PAK1: variants seen among roughly 807,000 people sequenced by gnomAD.
PAK1 encodes p21 (RAC1) activated kinase 1, also known as serine/threonine-protein kinase PAK 1.
PAK1 carries 29 observed loss-of-function variants against 67.4 expected under a neutral mutation model. That is an observed-to-expected ratio of 0.43 (90% CI 0.32 to 0.59). The LOEUF (loss-of-function observed/expected upper bound fraction) is 0.59, where lower values mean the gene tolerates loss of function less well. PAK1 is among the 20% of genes least tolerant of loss of function. The probability of loss-of-function intolerance (pLI) is 0.07; values close to 1 mark genes in which losing one functional copy is unlikely to be tolerated. For missense variants in PAK1, 337 were observed against 670.7 expected (o/e 0.50, Z 5.50); for synonymous variants, 223 against 237.4 (o/e 0.94, Z 0.56).
intron 1 of PAK1, among the ~76,000 whole-genome samples, chr11:77,447,497 T>C (rs1169202600): frequency 6.6e-6 from 1 of 152,058 alleles, no homozygotes. Flanking sequence ...TGTCCAAAGG[T>C]AGGTGTTGTT....
At chr11:77,363,910 G>A (rs535493048) in intron 5 of PAK1, among the ~76,000 whole-genome samples, 13 of 152,198 alleles carry the variant, frequency 8.5e-5, no homozygotes, top group South Asian at 4.1e-4. Flanking sequence ...CCATCCATCC[G>A]AGCCCCAACT....
In PAK1 at chr11:77,393,911, G is replaced by A. The variant is rs1029396140; in HGVS notation, c.-21-1370C>T. On this transcript the variant is annotated intron_variant, in intron 1 of 14. Transcript: ENST00000356341. ...CCAGCTACTAGGGAGGCTGAGGCAG[G>A]AGAATCACCTGAACATGGGAGGCAA... Among the ~76,000 whole-genome samples the A allele has an allele frequency of 2.6e-5, 4 of 152,124 alleles. No individual in the cohort carries two copies. In the South Asian group the frequency reaches 8.3e-4, roughly 32 times the overall value.
intron 1 of PAK1, among the ~76,000 whole-genome samples, chr11:77,435,118 C>CG (rs1555171418): frequency 7.8e-6 from 1 of 128,666 alleles, no homozygotes; most frequent in Non-Finnish European, 1.6e-5. Context: ...TGTGAATATA[C>CG]AAAAAAAAAA....
intron 14 of PAK1, among the ~76,000 whole-genome samples, chr11:77,327,339 C>A (rs1240919952): frequency 1.3e-5 from 2 of 152,126 alleles, no homozygotes; most frequent in Non-Finnish European, 2.9e-5. Flanking sequence ...TTGTCAGATT[C>A]ACCAAAGTTG....
chr11:77,451,753 C>T (rs1262560334), intron 1 of PAK1, among the ~76,000 whole-genome samples: 1 of 150,770 alleles, frequency 6.6e-6, no homozygotes, highest in Non-Finnish European at 1.5e-5. Context: ...GCGCCACCAC[C>T]ACGCCCGGCT....
chr11:77,368,896 C>A (rs1232599528), intron 5 of PAK1, among the ~76,000 whole-genome samples: 1 of 152,146 alleles, frequency 6.6e-6, no homozygotes, highest in Non-Finnish European at 1.5e-5. Flanking sequence ...TTCTTAATCA[C>A]CATTAACCCC....
At chr11:77,380,064 T>A in intron 2 of PAK1, 70 bp from the exon 3 acceptor site, 3 of 1,161,296 alleles carry the variant, frequency 2.6e-6, no homozygotes, top group Non-Finnish European at 3.8e-6. Flanking sequence ...TTTTAGCTCT[T>A]TATTGAGCTG....
intron 1 of PAK1, among the ~76,000 whole-genome samples, chr11:77,459,097 G>C (rs192868136): frequency 2.3e-4 from 35 of 152,302 alleles, no homozygotes; most frequent in Admixed American, 2.3e-3. Context: ...GAATGAAACT[G>C]AAACTGTCTA....
upstream of PAK1, among the ~76,000 whole-genome samples, chr11:77,477,748 T>C (rs1440485317): frequency 5.3e-5 from 8 of 151,292 alleles, no homozygotes; most frequent in African/African-American, 1.9e-4. Context: ...GAGTGAGACC[T>C]TGTTTCAAAA....
chr11:77,365,453 T>C (rs1210424047), intron 5 of PAK1, among the ~76,000 whole-genome samples: 1 of 149,640 alleles, frequency 6.7e-6, no homozygotes, highest in Non-Finnish European at 1.5e-5. Context: ...TTTAAAGAAA[T>C]AAGGATAAAA....
chr11:77,485,994 G>T, the PAK1 span, among the ~76,000 whole-genome samples: 1 of 152,160 alleles, frequency 6.6e-6, no homozygotes, highest in Non-Finnish European at 1.5e-5. Context: ...TGGAGGTCTA[G>T]CTTACAGCTC....
chr11:77,408,519 C>G (rs1953979626), intron 1 of PAK1, among the ~76,000 whole-genome samples: 1 of 139,662 alleles, frequency 7.2e-6, no homozygotes, highest in Non-Finnish European at 1.5e-5. Context: ...TTAGTAGAGC[C>G]ACTATGGAGA....
At chr11:77,475,676 A>G (rs1958051178), upstream of PAK1, 2 of 152,208 alleles carry the variant, frequency 1.3e-5, no homozygotes, top group Non-Finnish European at 2.9e-5. Flanking sequence ...ATTCATATTC[A>G]TATTCATATT....
At chr11:77,519,372 T>G in the PAK1 span, among the ~76,000 whole-genome samples, 1 of 152,240 alleles carries the variant, frequency 6.6e-6, no homozygotes, top group African/African-American at 2.4e-5. Flanking sequence ...TCACTTAAAC[T>G]TGAGTCTGTA....
chr11:77,492,700 G>A, the PAK1 span, among the ~76,000 whole-genome samples: 1,864 of 152,126 alleles, frequency 0.012, 34 homozygotes, highest in African/African-American at 0.043. Flanking sequence ...ATGTTCAATT[G>A]TAATTCCCAG....
chr11:77,346,732 G>A lies in PAK1; in HGVS notation c.885+2507C>T, dbSNP rs928824221. On this transcript the variant is annotated intron_variant, in intron 9 of 14. Coordinates refer to ENST00000356341, the MANE Select transcript of PAK1 (RefSeq NM_002576.5). ...TAGATGACGTACTTATATTATCACA[G>A]TAAAACCTAACCACACACAACCCTA... Among the ~76,000 whole-genome samples, 5 of 152,194 alleles carry A rather than the reference G, an allele frequency of 3.3e-5. No individual in the cohort carries two copies. In the South Asian group the frequency reaches 8.3e-4, roughly 25 times the overall value.
In PAK1 at chr11:77,340,717, C is replaced by T; in HGVS notation, c.1045G>A (p.Gly349Arg). The change falls in exon 11 of 15, where the codon GGA (glycine) becomes AGA (arginine). Residue 349 changes from glycine (G) to arginine (R), a missense_variant. Physicochemically the swap from Gly to Arg is moderately radical, Grantham distance 125. Transcript: ENST00000356341. ...GTCACCACATCTGTCAAGGAGCCTC[C>T]AGCCAAGTATTCCATAACAACCCAC... ...ELWVVMEYLA[G>R]GSLTDVVTET... 1.2e-6 allele frequency: 2 copies of T among 1,610,972 alleles called. No individual in the cohort carries two copies. Among genetic ancestry groups the T allele is most frequent in the East Asian group, 2.2e-5 (1 of 44,868 alleles).
chr11:77,358,224 C>T (rs1313840583), intron 6 of PAK1, among the ~76,000 whole-genome samples: 3 of 151,872 alleles, frequency 2.0e-5, no homozygotes, highest in African/African-American at 4.8e-5. Context: ...TAGTAAAAGA[C>T]CTAAACAAAG....
chr11:77,410,756 C>T (rs1314535146), intron 1 of PAK1, among the ~76,000 whole-genome samples: 3 of 150,466 alleles, frequency 2.0e-5, no homozygotes, highest in African/African-American at 4.9e-5. Context: ...GAGAGGAAGA[C>T]GTAGAGTCAT....
Sources: allele counts gnomAD v4.1 joint callset (sites outside exome capture counted in the v4.1 genomes callset), GRCh38; gene constraint gnomAD v4.1.1; transcripts MANE v1.5; gene names NCBI Gene and HGNC (gene_info 2026-07-23, HGNC 2026-07-21).